The following COX10 variants were observed in gnomAD, a reference collection of about 807,000 sequenced individuals.
COX10 encodes cytochrome c oxidase assembly factor heme A:farnesyltransferase COX10.
In COX10, 27 loss-of-function variants were observed where a neutral mutation model predicts 37.3. The ratio of observed to expected loss-of-function variants is 0.72; its 90% confidence interval spans 0.53 to 1.00. The LOEUF (loss-of-function observed/expected upper bound fraction) is 1.00. Ranked by LOEUF, COX10 falls within the 50% of genes least tolerant of loss-of-function variation. COX10 has a pLI of 0.00. For synonymous variants in COX10, 222 were observed against 229.1 expected (o/e 0.97, Z 0.28); for missense variants, 475 against 563.2 (o/e 0.84, Z 1.59).
chr17:14,185,223 G>T (rs942916302), intron 5 of COX10, among the ~76,000 whole-genome samples: 18 of 150,658 alleles, frequency 1.2e-4, no homozygotes, highest in African/African-American at 4.4e-4. Flanking sequence ...GTGTGTGCCT[G>T]TGTGCGTCTC....
rs1163683291 is a variant in COX10, at chr17:14,134,118, A to G, written c.625-25759A>G. ...GTTACTTATACTTTAAAGGCTTCAT[A>G]AGGTAGACTCCATGATGCCCTCAAA... On this transcript the variant is annotated intron_variant, in intron 4 of 6. Coordinates refer to ENST00000261643, the MANE Select transcript of COX10 (RefSeq NM_001303.4). 2.6e-5 allele frequency among the ~76,000 whole-genome samples: 4 copies of G among 151,696 alleles called. No homozygotes were observed. In the East Asian group the frequency reaches 7.7e-4, roughly 29 times the overall value.
intron 4 of COX10, among the ~76,000 whole-genome samples, chr17:14,145,896 T>C (rs573800836): frequency 6.6e-6 from 1 of 152,264 alleles, no homozygotes; most frequent in Admixed American, 6.5e-5. Flanking sequence ...GATCAACATT[T>C]TGCCTTCCTC....
chr17:14,195,376 G>A lies in COX10; in HGVS notation c.928+3155G>A, dbSNP rs12449595. 2.4e-3 allele frequency among the ~76,000 whole-genome samples: 366 copies of A among 152,208 alleles called. 6 individuals are homozygous for A. Among genetic ancestry groups the A allele is most frequent in the East Asian group, 0.02 (105 of 5,180 alleles). On this transcript the variant is annotated intron_variant, in intron 6 of 6. Coordinates refer to ENST00000261643, the MANE Select transcript of COX10 (RefSeq NM_001303.4). Reference sequence around the variant, plus strand: ...CTTCTAGAGCTGTACTGTCTTGTGTGGTAGCCACTAGGCTCAAGTGGCTAT... The same window carrying A: ...CTTCTAGAGCTGTACTGTCTTGTGTAGTAGCCACTAGGCTCAAGTGGCTAT...
At position 14,118,416 on chromosome 17, in the gene COX10, A is replaced by T. The variant is rs563505820; in HGVS notation, c.624+16174A>T. ...TCTTTTAATCAGTTTATTGTTTCAGATGAGGTTAAGAATTACTTTTTGAAG... is the reference window on the plus strand; with the variant it reads ...TCTTTTAATCAGTTTATTGTTTCAGTTGAGGTTAAGAATTACTTTTTGAAG... On this transcript the variant is annotated intron_variant, in intron 4 of 6. Transcript: ENST00000261643. Among the ~76,000 whole-genome samples the T allele has an allele frequency of 4.6e-5, 7 of 152,250 alleles. No homozygotes were observed. In the South Asian group the frequency reaches 8.3e-4, roughly 18 times the overall value.
chr17:14,189,684 A>G (rs1028325667), intron 5 of COX10, among the ~76,000 whole-genome samples: 4 of 152,242 alleles, frequency 2.6e-5, no homozygotes, highest in Non-Finnish European at 4.4e-5. Flanking sequence ...AAATCCATGC[A>G]TAGTCTTTTC....
intron 1 of COX10, among the ~76,000 whole-genome samples, chr17:14,070,800 A>G (rs1239877551): frequency 6.6e-6 from 1 of 152,202 alleles, no homozygotes; most frequent in African/African-American, 2.4e-5. Flanking sequence ...GTGTGATTCC[A>G]GGGCAATTCA....
At chr17:14,151,085 G>C (rs1490430525) in intron 4 of COX10, among the ~76,000 whole-genome samples, 3 of 152,044 alleles carry the variant, frequency 2.0e-5, no homozygotes, top group Non-Finnish European at 4.4e-5. Context: ...AAATGAGTAG[G>C]CTAAAGCCAG....
intron 6 of COX10, among the ~76,000 whole-genome samples, chr17:14,204,034 G>T (rs1439760814): frequency 1.3e-5 from 2 of 152,170 alleles, no homozygotes; most frequent in Non-Finnish European, 2.9e-5. Context: ...CCAAGCCGGT[G>T]TTGGGAAACA....
intron 6 of COX10, among the ~76,000 whole-genome samples, chr17:14,202,998 C>G (rs1710027219): frequency 6.6e-6 from 1 of 152,102 alleles, no homozygotes; most frequent in Non-Finnish European, 1.5e-5. Flanking sequence ...ATTGCATTAC[C>G]CTGTTTTGAG....
At chr17:14,201,863 C>T (rs933908593) in intron 6 of COX10, among the ~76,000 whole-genome samples, 4 of 152,198 alleles carry the variant, frequency 2.6e-5, no homozygotes, top group South Asian at 2.1e-4. Flanking sequence ...CGTGACCCCA[C>T]GCCCCAAGAC....
At chr17:14,204,574 G>A (rs551701108) in intron 6 of COX10, among the ~76,000 whole-genome samples, 3 of 151,964 alleles carry the variant, frequency 2.0e-5, no homozygotes, top group Admixed American at 6.5e-5. Context: ...CTGATCCTAA[G>A]TACTGTCATC....
At chr17:14,123,866 A>G (rs1385015437) in intron 4 of COX10, among the ~76,000 whole-genome samples, 1 of 152,190 alleles carries the variant, frequency 6.6e-6, no homozygotes, top group African/African-American at 2.4e-5. Context: ...AAGTATCTTT[A>G]ATCAGTCCGT....
intron 4 of COX10, among the ~76,000 whole-genome samples, chr17:14,135,810 A>C (rs1239395084): frequency 6.6e-6 from 1 of 151,916 alleles, no homozygotes; most frequent in Admixed American, 6.6e-5. Flanking sequence ...ATCTTTTTCA[A>C]ATTCATGGCC....
chr17:14,097,856 A>T (rs1343011040), intron 3 of COX10, among the ~76,000 whole-genome samples: 2 of 152,162 alleles, frequency 1.3e-5, no homozygotes, highest in African/African-American at 2.4e-5. Flanking sequence ...CCCTTGGAGT[A>T]TCCCTGGGGG....
At chr17:14,108,468 G>A (rs192318481) in intron 4 of COX10, among the ~76,000 whole-genome samples, 102 of 152,236 alleles carry the variant, frequency 6.7e-4, no homozygotes, top group Admixed American at 2.2e-3. Flanking sequence ...CATAAGTAGA[G>A]TTTCAGATCT....
rs181695050 is a variant in COX10, at chr17:14,189,611, A to G, written c.696-2378A>G. Among the ~76,000 whole-genome samples the G allele has an allele frequency of 3.7e-3, 562 of 152,318 alleles. 6 individuals carry two copies. Among genetic ancestry groups the G allele is most frequent in the African/African-American group, 0.013 (537 of 41,548 alleles). On this transcript the variant is annotated intron_variant, in intron 5 of 6. Transcript: ENST00000261643. ...CTTATCCTCCTTAATGCCTCAATCTAGATCCTGTTCAGACATGTTATAACA... is the reference window on the plus strand; with the variant it reads ...CTTATCCTCCTTAATGCCTCAATCTGGATCCTGTTCAGACATGTTATAACA...
chr17:14,071,621 C>T (rs929647805), intron 1 of COX10, among the ~76,000 whole-genome samples: 2 of 151,672 alleles, frequency 1.3e-5, no homozygotes, highest in African/African-American at 2.4e-5. Context: ...CAGTAGCTTA[C>T]ACCTGTAATC....
intron 3 of COX10, among the ~76,000 whole-genome samples, chr17:14,087,091 A>G (rs1915425718): frequency 6.6e-6 from 1 of 152,116 alleles, no homozygotes; most frequent in South Asian, 2.1e-4. Context: ...CTGTTCATTC[A>G]GCTGATGTTT....
chr17:14,084,990 A>G (rs1396011418), intron 3 of COX10, among the ~76,000 whole-genome samples: 1 of 152,110 alleles, frequency 6.6e-6, no homozygotes, highest in African/African-American at 2.4e-5. Context: ...ACAGTTTTTC[A>G]GCCTTTATCT....
Sources: gnomAD v4.1 joint callset for allele counts (sites outside exome capture counted in the v4.1 genomes callset) on GRCh38, gnomAD v4.1.1 for gene constraint, MANE v1.5 for transcripts, NCBI Gene and HGNC (gene_info 2026-07-23, HGNC 2026-07-21) for gene names.